The following ANTXRL variants were observed in gnomAD, a reference collection of about 807,000 sequenced individuals.
The protein encoded by ANTXRL is ANTXR like, also known as anthrax toxin receptor-like.
A neutral mutation model predicts 75.4 loss-of-function variants in ANTXRL; 63 were observed. The ratio of observed to expected loss-of-function variants is 0.84; its 90% CI spans 0.68 to 1.03. ANTXRL has a LOEUF of 1.03. Ranked by LOEUF, ANTXRL falls within the 50% of genes least tolerant of loss-of-function variation. The pLI is 0.00. For synonymous variants in ANTXRL, 335 were observed against 291.3 expected, an observed-to-expected ratio of 1.15 and a Z score of -1.53; for missense variants, 797 against 789.4, an observed-to-expected ratio of 1.01 and a Z score of -0.12.
At chr10:46,288,494 G>C (rs1431365447) in intron 1 of ANTXRL, among the ~76,000 whole-genome samples, 1 of 152,094 alleles carries the variant, frequency 6.6e-6, no homozygotes, top group Non-Finnish European at 1.5e-5. Flanking sequence ...CTAATGGTTA[G>C]GGGACGTGTA....
chr10:46,300,836 A>C (rs139363606), intron 9 of ANTXRL, among the ~76,000 whole-genome samples: 1,967 of 152,210 alleles, frequency 0.013, 23 homozygotes, highest in African/African-American at 0.022. Flanking sequence ...TAATTTTCTT[A>C]TTTAGTTCTT....
At chr10:46,294,142 C>T (rs1230852502) in intron 3 of ANTXRL, 15 of 536,774 alleles carry the variant, frequency 2.8e-5, no homozygotes, top group South Asian at 6.3e-5. Context: ...CCCCACTTCA[C>T]GCTCCCCTGC....
intron 10 of ANTXRL, among the ~76,000 whole-genome samples, chr10:46,304,327 G>A (rs1221355154): frequency 6.6e-6 from 1 of 152,168 alleles, no homozygotes. Flanking sequence ...CCGGCACTGG[G>A]AATGTGTGTG....
At position 46,310,485 on chromosome 10, in the gene ANTXRL, C is replaced by T. The variant is rs1554963180; in HGVS notation, c.1159C>T (p.Gln387Ter). 1 of 1,536,320 alleles carries T rather than the reference C, an allele frequency of 6.5e-7. No homozygotes were observed. Among genetic ancestry groups the T allele is most frequent in the Non-Finnish European group, 8.7e-7 (1 of 1,146,770 alleles). ...KQTVKEPPPV[Q>*]KPEKEPEQEK... Reference sequence around the variant, plus strand: ...GACTGTCAAGGAGCCACCACCTGTGCAGAAGCCAGAAAAGGTAAGTTGCAG... The same window carrying T: ...GACTGTCAAGGAGCCACCACCTGTGTAGAAGCCAGAAAAGGTAAGTTGCAG... The change falls in exon 14 of 17, where the codon CAG becomes TAG. Residue 387 changes from glutamine (Q) to a stop codon, truncating the protein, a stop_gained. Transcript: ENST00000620264. LOFTEE classifies it high-confidence loss of function.
intron 12 of ANTXRL, chr10:46,308,541 C>A (rs1293845355): frequency 7.0e-6 from 3 of 431,628 alleles, no homozygotes; most frequent in Non-Finnish European, 1.4e-5. Context: ...TCCTTTATTG[C>A]GAAGAACACC....
At chr10:46,308,778 G>A (rs1838253891) in intron 12 of ANTXRL, 1 of 381,684 alleles carries the variant, frequency 2.6e-6, no homozygotes, top group Non-Finnish European at 4.9e-6. Flanking sequence ...CTGCTCCTGT[G>A]CCTGCACCTC....
intron 16 of ANTXRL, among the ~76,000 whole-genome samples, chr10:46,314,468 C>G (rs1359653411): frequency 6.6e-6 from 1 of 151,982 alleles, no homozygotes; most frequent in African/African-American, 2.4e-5. Context: ...AGCTTGACGG[C>G]CGAGTGTGAA....
chr10:46,296,565 C>A (rs1216197535), intron 5 of ANTXRL, among the ~76,000 whole-genome samples: 1 of 152,146 alleles, frequency 6.6e-6, no homozygotes, highest in Non-Finnish European at 1.5e-5. Flanking sequence ...CTTGCACACA[C>A]CTTAGCCTTC....
intron 7 of ANTXRL, 27 bp from the exon 8 acceptor site, chr10:46,297,804 A>T: frequency 6.5e-7 from 1 of 1,532,616 alleles, no homozygotes; most frequent in South Asian, 1.2e-5. Flanking sequence ...CCTGGTGGGG[A>T]GTCCAACCCA....
chr10:46,289,592 T>G (rs1425857124), intron 1 of ANTXRL, among the ~76,000 whole-genome samples: 45 of 151,624 alleles, frequency 3.0e-4, no homozygotes, highest in Non-Finnish European at 4.9e-4. Flanking sequence ...CCAGGCATGG[T>G]GATGTGTGCC....
At chr10:46,303,346 T>C (rs549636524) in intron 10 of ANTXRL, among the ~76,000 whole-genome samples, 15 of 152,318 alleles carry the variant, frequency 9.8e-5, no homozygotes, top group African/African-American at 3.6e-4. Flanking sequence ...CAGATGAGTG[T>C]TCTACTCTGA....
chr10:46,317,698 C>T (rs1407743252), intron 16 of ANTXRL, among the ~76,000 whole-genome samples: 8 of 151,298 alleles, frequency 5.3e-5, no homozygotes, highest in African/African-American at 2.0e-4. Context: ...AGCACCACCC[C>T]TCCAACCCCA....
At chr10:46,295,073 G>A (rs545524406) in intron 3 of ANTXRL, among the ~76,000 whole-genome samples, 7 of 152,274 alleles carry the variant, frequency 4.6e-5, no homozygotes, top group East Asian at 1.9e-4. Flanking sequence ...CGGCCAGTCC[G>A]CAGATCAGTG....
intron 16 of ANTXRL, among the ~76,000 whole-genome samples, chr10:46,313,529 T>C (rs17769532): frequency 0.24 from 35,937 of 151,758 alleles, 4,670 homozygotes; most frequent in Non-Finnish European, 0.3. Context: ...GGGCCAGGAG[T>C]GCTGGCTAGG....
intron 7 of ANTXRL, 57 bp downstream of exon 7, chr10:46,297,531 C>T (rs1290975439): frequency 1.3e-5 from 20 of 1,517,612 alleles, no homozygotes; most frequent in Non-Finnish European, 1.7e-5. Context: ...ACTTTCGAGC[C>T]AACCGTCCCG....
At chr10:46,309,036 G>A (rs1838265879) in intron 12 of ANTXRL, 77 bp from the exon 13 acceptor site, 2 of 1,529,494 alleles carry the variant, frequency 1.3e-6, no homozygotes, top group Admixed American at 3.9e-5. Flanking sequence ...GTGAGGAGTG[G>A]GCAGATGGGC....
intron 16 of ANTXRL, among the ~76,000 whole-genome samples, chr10:46,315,740 TA>T (rs1838691379): frequency 1.3e-5 from 2 of 152,210 alleles, no homozygotes; most frequent in African/African-American, 4.8e-5. Flanking sequence ...TGCTGCCTTT[TA>T]AAACCTTGTT....
chr10:46,287,418 C>G lies in ANTXRL; in HGVS notation c.156C>G (p.His52Gln), dbSNP rs553270245. 1 of 1,535,884 alleles carries G rather than the reference C, an allele frequency of 6.5e-7. No homozygotes were observed. Among genetic ancestry groups the G allele is most frequent in the South Asian group, 1.2e-5 (1 of 84,046 alleles). Residue 52 changes from histidine to glutamine, a missense_variant, in exon 1 of 17, where the codon CAC becomes CAG. His to Gln is a conservative substitution (Grantham distance 24). Coordinates refer to ENST00000620264, the MANE Select transcript of ANTXRL (RefSeq NM_001278688.3). ...CCCTGGGCTCCAGGAGAGCCCACCA[C>G]CACCATGGCCCAGGATGGAGGCAGC... ...RLALGSRRAH[H>Q]HHGPGWRQHW...
intron 9 of ANTXRL, among the ~76,000 whole-genome samples, chr10:46,299,740 C>T (rs1554959995): frequency 6.6e-6 from 1 of 152,184 alleles, no homozygotes; most frequent in Non-Finnish European, 1.5e-5. Flanking sequence ...AGAAGTGCCT[C>T]CCATGAACAG....
Sources: allele counts gnomAD v4.1 joint callset (sites outside exome capture counted in the v4.1 genomes callset), GRCh38; gene constraint gnomAD v4.1.1; transcripts MANE v1.5; gene names NCBI Gene and HGNC (gene_info 2026-07-23, HGNC 2026-07-21).